Variants in CLEC12B observed in about 807,000 individuals in gnomAD.
CLEC12B encodes the protein C-type lectin domain family 12 member B, also known as macrophage antigen h.
Under a neutral mutation model 36.1 loss-of-function variants are expected in CLEC12B, and 25 were observed. The observed-to-expected ratio is 0.69, with a 90% CI of 0.50 to 0.97. The LOEUF is 0.97. Ranked by LOEUF, CLEC12B falls within the 50% of genes least tolerant of loss-of-function variation. CLEC12B has a pLI of 0.00. For synonymous variants in CLEC12B, 110 were observed against 108.5 expected (o/e 1.01, Z -0.09); for missense variants, 325 against 318.4 (o/e 1.02, Z -0.16).
At position 10,010,692 on chromosome 12, in the gene CLEC12B, A is replaced by G. The variant is rs1865304405; in HGVS notation, c.-68A>G. On this transcript the variant is annotated 5_prime_UTR_variant, in exon 1 of 6. An upstream start codon of the reference 5' UTR is lost. Coordinates refer to ENST00000338896, the MANE Select transcript of CLEC12B (RefSeq NM_001129998.3). ...CAAAGCTCCCAGCCTTGAAAAACAC[A>G]TGCTGTTCCCAGGCCTCAAGATATT... is the stretch of plus-strand genomic sequence containing the variant. 2 of 1,019,434 alleles carry G rather than the reference A, an allele frequency of 2.0e-6. No individual in the cohort carries two copies. Among genetic ancestry groups the G allele is most frequent in the African/African-American group, 3.2e-5 (2 of 62,278 alleles). 63.1% of individuals were successfully genotyped at this position (1,019,434 alleles called of 1,614,324 possible). A position where few individuals can be genotyped will look rare whatever the true frequency, so the allele number is the denominator to read the frequency against.
intron 5 of CLEC12B, 180 bp downstream of exon 5, chr12:10,015,907 T>C (rs1865474326): frequency 4.3e-6 from 6 of 1,405,630 alleles, no homozygotes; most frequent in Non-Finnish European, 5.5e-6. Flanking sequence ...GACAAATTTA[T>C]AGCAAGGCAC....
chr12:10,017,336 G>A (rs988001995), intron 5 of CLEC12B: 5 of 985,272 alleles, frequency 5.1e-6, no homozygotes, highest in Non-Finnish European at 6.0e-6. Flanking sequence ...TTAATCTGAG[G>A]TGTTGCTACT....
chr12:10,010,185 C>G (rs1224697766), upstream of CLEC12B, among the ~76,000 whole-genome samples: 3 of 108,092 alleles, frequency 2.8e-5, no homozygotes, highest in Non-Finnish European at 5.5e-5. Context: ...CTCTCTGTCT[C>G]TCTCTGTCTC....
chr12:10,014,710 A>T lies in CLEC12B; in HGVS notation c.378A>T (p.Lys126Asn), dbSNP rs775667827. The T allele has an allele frequency of 6.2e-5, 100 of 1,613,432 alleles. No homozygotes were observed. Among genetic ancestry groups the T allele is most frequent in the South Asian group, 5.4e-4 (49 of 91,056 alleles). ...AGAGGCAGGAACAAATGGCCATCAA[A>T]CTGTGCCAAGAGCTAATCATTCATA... ...VLKRQEQMAIKLCQELIIHTS... is the reference protein window; with the variant it reads ...VLKRQEQMAINLCQELIIHTS... Residue 126 changes from lysine to asparagine, a missense_variant, in exon 3 of 6, where the codon AAA becomes AAT. Transcript: ENST00000338896.
chr12:10,015,268 A>G lies in CLEC12B; in HGVS notation c.426A>G (p.Pro142=), dbSNP rs571113173. 1.2e-6 allele frequency: 2 copies of G among 1,612,650 alleles called. No individual in the cohort carries two copies. Among genetic ancestry groups the G allele is most frequent in the East Asian group, 4.5e-5 (2 of 44,862 alleles). The change falls in exon 4 of 6, where the codon CCA becomes CCG. Residue 142 remains proline, a synonymous_variant. Transcript: ENST00000338896. ...IIHTSDHRCN[P]CPKMWQWYQN... ...CCTTTTCAGACCACAGATGTAATCC[A>G]TGTCCTAAGATGTGGCAATGGTACC...
intron 3 of CLEC12B, 139 bp from the exon 4 acceptor site, chr12:10,015,113 T>TC: frequency 1.3e-6 from 1 of 743,350 alleles, no homozygotes; most frequent in Non-Finnish European, 2.2e-6. Flanking sequence ...CACTTTTTTT[T>TC]CAGAGGCTTC....
At position 10,010,826 on chromosome 12, in the gene CLEC12B, G is replaced by A; in HGVS notation, c.67G>A (p.Asp23Asn). The A allele has an allele frequency of 6.2e-7, 1 of 1,611,514 alleles. No homozygotes were observed. The highest frequency in any genetic ancestry group is 8.5e-7 in the Non-Finnish European group (1 of 1,177,980). The change falls in exon 1 of 6, where the codon GAT (aspartate) becomes AAT (asparagine). Residue 23 changes from aspartate to asparagine, a missense_variant. By Grantham distance (23) the Asp-to-Asn change is conservative. Coordinates refer to ENST00000338896, the MANE Select transcript of CLEC12B (RefSeq NM_001129998.3). ...TTCTGCTGGAGCAAGGAATAACCGA[G>A]ATGGAAATAACCTAAGAAAAAGAGG... ...QDSAGARNNR[D>N]GNNLRKRGHP...
chr12:10,014,712 T>TAA lies in CLEC12B; in HGVS notation c.380_381insAA (p.Cys128SerfsTer5). On this transcript the variant is annotated frameshift_variant, in exon 3 of 6. Coordinates refer to ENST00000338896, the MANE Select transcript of CLEC12B (RefSeq NM_001129998.3). LOFTEE classifies it high-confidence loss of function. ...AGGCAGGAACAAATGGCCATCAAACTGTGCCAAGAGCTAATCATTCATACT... is the reference window on the plus strand; with the variant it reads ...AGGCAGGAACAAATGGCCATCAAACTAAGTGCCAAGAGCTAATCATTCATACT... 6.2e-7 allele frequency: 1 copy of TAA among 1,613,196 alleles called. No individual in the cohort carries two copies. The highest frequency in any genetic ancestry group is 2.2e-5 in the East Asian group (1 of 44,868).
upstream of CLEC12B, among the ~76,000 whole-genome samples, chr12:10,010,198 TCTCACA>T (rs1315377353): frequency 4.4e-4 from 43 of 96,810 alleles, no homozygotes; most frequent in East Asian, 1.2e-3. Flanking sequence ...TCTGTCTCTC[TCTCACA>T]CACACACACA....
chr12:10,007,430 C>T (rs1409370695), upstream of CLEC12B, among the ~76,000 whole-genome samples: 1 of 152,116 alleles, frequency 6.6e-6, no homozygotes, highest in Non-Finnish European at 1.5e-5. Context: ...TACAATTCAA[C>T]CACTGTTGAA....
chr12:10,009,808 C>A (rs1036991209), upstream of CLEC12B, among the ~76,000 whole-genome samples: 1 of 152,240 alleles, frequency 6.6e-6, no homozygotes, highest in East Asian at 1.9e-4. Flanking sequence ...CAATCCTTCC[C>A]CTAAGTACAG....
intron 3 of CLEC12B, 50 bp downstream of exon 3, chr12:10,014,791 GT>G: frequency 7.6e-7 from 1 of 1,309,388 alleles, no homozygotes. Context: ...TGTTATCCTG[GT>G]CTAAGTTGAT....
intron 2 of CLEC12B, 79 bp downstream of exon 2, chr12:10,012,962 G>T: frequency 9.8e-7 from 1 of 1,019,040 alleles, no homozygotes; most frequent in African/African-American, 1.6e-5. Context: ...TTGGATTGTA[G>T]ATGGGTCCTA....
intron 2 of CLEC12B, among the ~76,000 whole-genome samples, chr12:10,013,620 G>A (rs1413488925): frequency 1.3e-5 from 2 of 152,096 alleles, no homozygotes; most frequent in South Asian, 2.1e-4. Context: ...CATGGTATTC[G>A]CTTACAGGGA....
At chr12:10,013,686 T>A (rs114491055) in intron 2 of CLEC12B, among the ~76,000 whole-genome samples, 3,490 of 152,240 alleles carry the variant, frequency 0.023, 47 homozygotes, top group African/African-American at 0.037. Flanking sequence ...CTCTGCTACA[T>A]TCATTTCTTT....
intron 1 of CLEC12B, 125 bp from the exon 2 acceptor site, chr12:10,012,660 G>T: frequency 1.5e-6 from 1 of 663,250 alleles, no homozygotes; most frequent in East Asian, 2.7e-5. Flanking sequence ...CTAAATGAGG[G>T]CATTAAAGAA....
intron 1 of CLEC12B, 103 bp downstream of exon 1, chr12:10,010,953 A>C (rs929802673): frequency 1.5e-6 from 1 of 658,956 alleles, no homozygotes; most frequent in Non-Finnish European, 2.6e-6. Context: ...ATGTGCTGTG[A>C]AATCTCCAAA....
In CLEC12B at chr12:10,012,452, C is replaced by A. The variant is rs547342164; in HGVS notation, c.92-333C>A. 7.2e-5 allele frequency among the ~76,000 whole-genome samples: 11 copies of A among 152,094 alleles called. No individual in the cohort carries two copies. In the East Asian group the frequency reaches 2.1e-3, roughly 29 times the overall value. On this transcript the variant is annotated intron_variant, in intron 1 of 5. Transcript: ENST00000338896. The stretch of plus-strand genomic sequence containing the variant: ...TTTTAGGGTACATGTGCACAATGTG[C>A]AGGTTAGTTACATATGTATACATGT...
At chr12:10,010,339 A>G (rs943498083), upstream of CLEC12B, among the ~76,000 whole-genome samples, 2 of 152,162 alleles carry the variant, frequency 1.3e-5, no homozygotes, top group Middle Eastern at 3.2e-3. Flanking sequence ...AATAAACTAG[A>G]ACCAATGTCT....
Sources: gnomAD v4.1 joint callset for allele counts (sites outside exome capture counted in the v4.1 genomes callset) on GRCh38, gnomAD v4.1.1 for gene constraint, MANE v1.5 for transcripts, NCBI Gene and HGNC (gene_info 2026-07-23, HGNC 2026-07-21) for gene names.